Variants in CADM2 observed in about 807,000 individuals in gnomAD.
CADM2 encodes cell adhesion molecule 2, also known as immunoglobulin superfamily member 4D.
CADM2 carries 12 observed loss-of-function variants against 49.8 expected under a neutral mutation model. That is an observed-to-expected ratio of 0.24 (90% CI 0.15 to 0.39). CADM2 has a LOEUF of 0.39. Among genes scored for constraint, CADM2 ranks in the 10% least tolerant of loss-of-function variants. The pLI, the probability that CADM2 is intolerant of heterozygous loss-of-function variation, is 1.00. For synonymous variants in CADM2, 214 were observed against 175.4 expected (o/e 1.22, Z -1.74); for missense variants, 378 against 492.3 (o/e 0.77, Z 2.20).
intron 1 of CADM2, among the ~76,000 whole-genome samples, chr3:85,308,340 C>A (rs9865012): frequency 2.7e-4 from 40 of 149,246 alleles, no homozygotes; most frequent in African/African-American, 9.8e-4. Flanking sequence ...CACACACACA[C>A]AACACTCCAT....
chr3:85,688,235 T>C (rs931070588), intron 1 of CADM2, among the ~76,000 whole-genome samples: 3 of 152,120 alleles, frequency 2.0e-5, no homozygotes, highest in African/African-American at 7.2e-5. Flanking sequence ...CGTTTGCATA[T>C]AATAAAGAAT....
intron 1 of CADM2, among the ~76,000 whole-genome samples, chr3:85,339,312 A>G (rs1184941760): frequency 6.6e-6 from 1 of 151,520 alleles, no homozygotes; most frequent in African/African-American, 2.4e-5. Context: ...AGCAAAAGAC[A>G]AGCTATATGT....
intron 8 of CADM2, among the ~76,000 whole-genome samples, chr3:86,019,857 G>T (rs13059349): frequency 0.3 from 46,255 of 151,878 alleles, 8,364 homozygotes; most frequent in Admixed American, 0.39. Context: ...TCTCCTAATT[G>T]AATACCCTTT....
intron 2 of CADM2, among the ~76,000 whole-genome samples, chr3:85,767,851 C>G (rs1001861465): frequency 2.6e-5 from 4 of 152,084 alleles, no homozygotes; most frequent in Non-Finnish European, 5.9e-5. Flanking sequence ...GCTGGTAGAG[C>G]TACCTGTTTA....
chr3:85,676,725 C>A (rs1049530682), intron 1 of CADM2, among the ~76,000 whole-genome samples: 2 of 152,110 alleles, frequency 1.3e-5, no homozygotes, highest in African/African-American at 4.8e-5. Flanking sequence ...ATATGACAAT[C>A]TTTCCACCAT....
intron 1 of CADM2, among the ~76,000 whole-genome samples, chr3:85,697,842 T>A (rs921238143): frequency 1.3e-5 from 2 of 152,364 alleles, no homozygotes; most frequent in Admixed American, 1.3e-4. Context: ...AACACTTATG[T>A]AAGCGGGAAA....
At chr3:85,929,971 C>T (rs946628292) in intron 6 of CADM2, among the ~76,000 whole-genome samples, 5 of 151,886 alleles carry the variant, frequency 3.3e-5, no homozygotes, top group East Asian at 1.9e-4. Context: ...AACAATTATT[C>T]GAGAGTCAAG....
chr3:85,385,207 T>A (rs2326313), intron 1 of CADM2, among the ~76,000 whole-genome samples: 38,769 of 152,176 alleles, frequency 0.25, 5,110 homozygotes, highest in South Asian at 0.34. Context: ...AGTTCTGGGA[T>A]TACAGGCGTT....
At chr3:86,042,901 C>G (rs1248484404) in intron 8 of CADM2, among the ~76,000 whole-genome samples, 2 of 152,240 alleles carry the variant, frequency 1.3e-5, no homozygotes, top group East Asian at 3.9e-4. Flanking sequence ...GGGCTTCATC[C>G]CTGGGATGCA....
At chr3:85,855,132 CA>C (rs1187292736) in intron 3 of CADM2, among the ~76,000 whole-genome samples, 1 of 152,090 alleles carries the variant, frequency 6.6e-6, no homozygotes, top group Non-Finnish European at 1.5e-5. Flanking sequence ...TCCAGAACTA[CA>C]CAGTTTTGTC....
intron 1 of CADM2, among the ~76,000 whole-genome samples, chr3:85,430,784 T>G (rs1559836364): frequency 1.3e-5 from 2 of 152,078 alleles, no homozygotes; most frequent in Non-Finnish European, 2.9e-5. Flanking sequence ...GTTGTACTTT[T>G]GTTACAGTAG....
chr3:85,076,171 C>T (rs1405578819), intron 1 of CADM2, among the ~76,000 whole-genome samples: 1 of 151,992 alleles, frequency 6.6e-6, no homozygotes, highest in African/African-American at 2.4e-5. Context: ...ATCCTCCCTG[C>T]ATAACTAAAG....
intron 1 of CADM2, among the ~76,000 whole-genome samples, chr3:85,197,395 A>G (rs1159755463): frequency 6.6e-6 from 1 of 151,986 alleles, no homozygotes; most frequent in Non-Finnish European, 1.5e-5. Context: ...TTCAACAAAC[A>G]TTGATTTTGT....
chr3:85,451,536 C>T (rs561995156), intron 1 of CADM2, among the ~76,000 whole-genome samples: 168 of 152,170 alleles, frequency 1.1e-3, no homozygotes, highest in Admixed American at 2.0e-3. Context: ...CACGTTTTCC[C>T]TTAAGATATT....
At chr3:85,871,373 G>T (rs945049532) in intron 3 of CADM2, among the ~76,000 whole-genome samples, 1 of 152,044 alleles carries the variant, frequency 6.6e-6, no homozygotes, top group African/African-American at 2.4e-5. Context: ...TATTTAATAA[G>T]ATACCATTCA....
intron 1 of CADM2, among the ~76,000 whole-genome samples, chr3:85,413,896 G>T (rs2035793652): frequency 6.6e-6 from 1 of 151,678 alleles, no homozygotes; most frequent in African/African-American, 2.4e-5. Context: ...ACAGAGTCTC[G>T]CTGTGTTGCC....
intron 1 of CADM2, among the ~76,000 whole-genome samples, chr3:85,510,533 A>G (rs551967454): frequency 4.3e-4 from 65 of 152,042 alleles, no homozygotes; most frequent in African/African-American, 1.5e-3. Flanking sequence ...ACCACAAAAC[A>G]CTTTTGCTTT....
chr3:85,101,106 T>G (rs1258476177), intron 1 of CADM2, among the ~76,000 whole-genome samples: 1 of 151,986 alleles, frequency 6.6e-6, no homozygotes, highest in African/African-American at 2.4e-5. Flanking sequence ...ATAGAAAAAT[T>G]AGCTGGGTGT....
chr3:85,413,832 A>G (rs6802781), intron 1 of CADM2, among the ~76,000 whole-genome samples: 2,090 of 152,256 alleles, frequency 0.014, 45 homozygotes, highest in African/African-American at 0.048. Flanking sequence ...TGTGTCTCAC[A>G]GCTTTAAGTG....
Sources: allele counts gnomAD v4.1 joint callset (sites outside exome capture counted in the v4.1 genomes callset), GRCh38; gene constraint gnomAD v4.1.1; transcripts MANE v1.5; gene names NCBI Gene and HGNC (gene_info 2026-07-23, HGNC 2026-07-21).